The following LZTS1 variants were observed in gnomAD, a reference collection of about 807,000 sequenced individuals.
LZTS1 encodes leucine zipper putative tumor suppressor 1.
A neutral mutation model predicts 45.8 loss-of-function variants in LZTS1; 31 were observed. That is an observed-to-expected ratio of 0.68 (90% CI 0.51 to 0.91). The LOEUF is 0.91. Ranked by LOEUF, LZTS1 falls within the 40% of genes least tolerant of loss-of-function variation. LZTS1 has a pLI of 0.00. For missense variants in LZTS1, 821 were observed against 788.9 expected (o/e 1.04, Z -0.49); for synonymous variants, 359 against 357.3 (o/e 1.00, Z -0.05).
Position 20,255,245 on chromosome 8 carries a change from G to T in LZTS1, c.-64C>A, listed in dbSNP as rs934154813. 5 of 1,538,146 alleles carry T rather than the reference G, an allele frequency of 3.3e-6. No individual in the cohort carries two copies. The Admixed American group carries it at 9.4e-5, about 29-fold the overall frequency. ...GTCTTGGAAAGGCTGTGGCAGCAAG[G>T]GGCAGTCGTGGCTCCGTGAGGGGAC... On this transcript the variant is annotated 5_prime_UTR_variant, in exon 2 of 4. Transcript: ENST00000381569.
Position 20,249,847 on chromosome 8 carries a change from G to A in LZTS1, c.1666C>T (p.Arg556Trp), listed in dbSNP as rs748585946. The A allele has an allele frequency of 2.7e-5, 43 of 1,614,040 alleles. No individual in the cohort carries two copies. Among genetic ancestry groups the A allele is most frequent in the East Asian group, 4.5e-5 (2 of 44,878 alleles). The change falls in exon 4 of 4, where the codon CGG (arginine) becomes TGG (tryptophan). Residue 556 changes from arginine to tryptophan, a missense_variant. Coordinates refer to ENST00000381569, the MANE Select transcript of LZTS1 (RefSeq NM_021020.5). ...LQQSYVAMYQRNQRLEKALQQ... is the reference protein window; with the variant it reads ...LQQSYVAMYQWNQRLEKALQQ... ...AGGGCCTTCTCCAGGCGCTGGTTCCGCTGGTACATGGCCACGTAGCTCTGC... is the reference window on the plus strand; with the variant it reads ...AGGGCCTTCTCCAGGCGCTGGTTCCACTGGTACATGGCCACGTAGCTCTGC...
intron 1 of LZTS1, among the ~76,000 whole-genome samples, chr8:20,291,561 C>T (rs1800901232): frequency 6.6e-6 from 1 of 152,206 alleles, no homozygotes; most frequent in African/African-American, 2.4e-5. Context: ...AAGTGACTTG[C>T]CTGATGTCAC....
chr8:20,276,862 G>T (rs1585294713), intron 1 of LZTS1, among the ~76,000 whole-genome samples: 1 of 152,202 alleles, frequency 6.6e-6, no homozygotes. Flanking sequence ...TGGGTTGATT[G>T]TTACGGTGTT....
At chr8:20,270,829 GTGTT>G (rs748603561) in intron 1 of LZTS1, among the ~76,000 whole-genome samples, 5 of 151,578 alleles carry the variant, frequency 3.3e-5, no homozygotes, top group East Asian at 1.9e-4. Context: ...GTGTGTGTGT[GTGTT>G]TGTGTGTGTG....
chr8:20,277,911 G>A (rs1195728058), intron 1 of LZTS1, among the ~76,000 whole-genome samples: 1 of 152,200 alleles, frequency 6.6e-6, no homozygotes, highest in Non-Finnish European at 1.5e-5. Context: ...GATAATGTGT[G>A]TGTGGAAACA....
chr8:20,262,954 C>G (rs1800273782), intron 1 of LZTS1, among the ~76,000 whole-genome samples: 2 of 152,184 alleles, frequency 1.3e-5, no homozygotes, highest in African/African-American at 4.8e-5. Context: ...CCTCAGTTTC[C>G]TCACTTGTAA....
chr8:20,282,417 T>C (rs1402172927), intron 1 of LZTS1, among the ~76,000 whole-genome samples: 1 of 152,186 alleles, frequency 6.6e-6, no homozygotes, highest in Non-Finnish European at 1.5e-5. Flanking sequence ...ATATGACAGA[T>C]ATGACCTGGG....
intron 1 of LZTS1, among the ~76,000 whole-genome samples, chr8:20,264,069 TG>T (rs1345366646): frequency 1.6e-4 from 24 of 152,214 alleles, no homozygotes; most frequent in African/African-American, 5.8e-4. Context: ...ATGATTTGAG[TG>T]GGAACATTTT....
chr8:20,251,324 G>T (rs1410176786), intron 3 of LZTS1, among the ~76,000 whole-genome samples: 1 of 151,616 alleles, frequency 6.6e-6, no homozygotes, highest in Non-Finnish European at 1.5e-5. Flanking sequence ...ATGAATACAG[G>T]GTTGGCCTTG....
chr8:20,257,656 G>C (rs917460628), intron 1 of LZTS1, among the ~76,000 whole-genome samples: 2 of 148,516 alleles, frequency 1.3e-5, no homozygotes, highest in African/African-American at 4.9e-5. Flanking sequence ...CTAATTCTAA[G>C]ACACCCTTAA....
At position 20,254,796 on chromosome 8, in the gene LZTS1, C is replaced by T. The variant is rs368606020; in HGVS notation, c.345+41G>A. The T allele has an allele frequency of 1.1e-3, 1,693 of 1,524,050 alleles. 3 individuals carry two copies. Among genetic ancestry groups the T allele is most frequent in the Non-Finnish European group, 1.3e-3 (1,471 of 1,130,338 alleles). The allele number at this position is 1,524,050 out of a possible 1,614,324, so 94.4% of individuals were successfully genotyped here. A position where few individuals can be genotyped will look rare whatever the true frequency, so the allele number is the denominator to read the frequency against. On this transcript the variant is annotated intron_variant, in intron 2 of 3. Coordinates refer to ENST00000381569, the MANE Select transcript of LZTS1 (RefSeq NM_021020.5). ...TCCACCCCCATTTTGCTTTCTCCTG[C>T]GTTTCCAACCCACTTACCCTTGCCA...
chr8:20,253,535 T>C lies in LZTS1; in HGVS notation c.396A>G (p.Pro132=). The change falls in exon 3 of 4, where the codon CCA becomes CCG. Residue 132 remains proline (P), a synonymous_variant. Transcript: ENST00000381569. ...VRPTAFKPVL[P]RSGAILHSSP... The stretch of plus-strand genomic sequence containing the variant: ...AGGAGTGCAGGATGGCTCCTGACCG[T>C]GGCAGCACAGGCTTGAAGGCTGTGG... The C allele has an allele frequency of 6.5e-7, 1 of 1,527,182 alleles. No individual in the cohort carries two copies. The highest frequency in any genetic ancestry group is 8.8e-7 in the Non-Finnish European group (1 of 1,138,730). The allele number at this position is 1,527,182 out of a possible 1,614,324, so 94.6% of individuals were successfully genotyped here.
chr8:20,274,620 G>A (rs1359208105), intron 1 of LZTS1, among the ~76,000 whole-genome samples: 2 of 152,152 alleles, frequency 1.3e-5, no homozygotes, highest in South Asian at 2.1e-4. Context: ...TAACCCAATG[G>A]GGCGTAAGTG....
At position 20,274,969 on chromosome 8, in the gene LZTS1, G is replaced by GTGTGTGTGTGTA. The variant is rs1554553688; in HGVS notation, c.-134-19655_-134-19654insTACACACACACA. 8.9e-4 allele frequency among the ~76,000 whole-genome samples: 135 copies of GTGTGTGTGTGTA among 151,242 alleles called. 2 individuals carry two copies. The East Asian group carries it at 0.018, about 20-fold the overall frequency. ...GAGTGGCTGCCATGATACTGTGTGT[G>GTGTGTGTGTGTA]TGTGTGTGTGTGTGTCTCAATGGGA... On this transcript the variant is annotated intron_variant, in intron 1 of 3. Transcript: ENST00000381569.
rs1170140749 is a variant in LZTS1, at chr8:20,255,038, C to G, written c.144G>C (p.Gln48His). The change falls in exon 2 of 4, where the codon CAG becomes CAC. Residue 48 changes from glutamine to histidine, a missense_variant. Physicochemically the swap from Gln to His is conservative, Grantham distance 24. Transcript: ENST00000381569. ...SDGLLRFGFSQDSGHGKSSSK... is the reference protein window; with the variant it reads ...SDGLLRFGFSHDSGHGKSSSK... ...AGCTGGACTTGCCGTGACCGGAGTC[C>G]TGGGAGAAGCCAAACCTCAGCAGCC... is the stretch of plus-strand genomic sequence containing the variant. 1.2e-6 allele frequency: 2 copies of G among 1,614,080 alleles called. No individual in the cohort carries two copies. The highest frequency in any genetic ancestry group is 2.7e-5 in the African/African-American group (2 of 74,914).
At chr8:20,273,340 G>A (rs1800510982) in intron 1 of LZTS1, among the ~76,000 whole-genome samples, 1 of 151,998 alleles carries the variant, frequency 6.6e-6, no homozygotes, top group Non-Finnish European at 1.5e-5. Flanking sequence ...CTTCTGCACG[G>A]CGTCAGCTGC....
At position 20,271,384 on chromosome 8, in the gene LZTS1, G is replaced by T. The variant is rs545119215; in HGVS notation, c.-134-16069C>A. The stretch of plus-strand genomic sequence containing the variant: ...ACAGTGAGATAATTAACCTCTTGTT[G>T]GAAGCCCAGGGCTCCTGCAGTGTTG... On this transcript the variant is annotated intron_variant, in intron 1 of 3. Coordinates refer to ENST00000381569, the MANE Select transcript of LZTS1 (RefSeq NM_021020.5). Among the ~76,000 whole-genome samples the T allele has an allele frequency of 8.0e-4, 122 of 152,264 alleles. 1 individual carries two copies. Among genetic ancestry groups the T allele is most frequent in the African/African-American group, 2.9e-3 (119 of 41,560 alleles).
chr8:20,278,306 C>T (rs1800623555), intron 1 of LZTS1, among the ~76,000 whole-genome samples: 1 of 152,156 alleles, frequency 6.6e-6, no homozygotes. Flanking sequence ...TGGAGAATTC[C>T]TCAAATGAGC....
In LZTS1 at chr8:20,250,310, G is replaced by A. The variant is rs200026141; in HGVS notation, c.1203C>T (p.Ser401=). Reference sequence around the variant, plus strand: ...TAGCCTTGGCGTTCACCTCCGTCTGGGACTCCTTCAGCTGCTGCTTCAGGA... The same window carrying A: ...TAGCCTTGGCGTTCACCTCCGTCTGAGACTCCTTCAGCTGCTGCTTCAGGA... ...ISLLKQQLKE[S]QTEVNAKASE... Residue 401 remains serine (S), a synonymous_variant, in exon 4 of 4, where the codon TCC becomes TCT. Transcript: ENST00000381569. 6.2e-7 allele frequency: 1 copy of A among 1,613,192 alleles called. No homozygotes were observed. The highest frequency in any genetic ancestry group is 2.2e-5 in the East Asian group (1 of 44,854).
Sources: gnomAD v4.1 joint callset for allele counts (sites outside exome capture counted in the v4.1 genomes callset) on GRCh38, gnomAD v4.1.1 for gene constraint, MANE v1.5 for transcripts, NCBI Gene and HGNC (gene_info 2026-07-23, HGNC 2026-07-21) for gene names.